CDH20: variants seen among roughly 807,000 people sequenced by gnomAD.
CDH20 encodes cadherin 20, also known as cadherin-20.
A neutral mutation model predicts 74.2 loss-of-function variants in CDH20; 29 were observed. That is an observed-to-expected ratio of 0.39 (90% CI 0.29 to 0.53). The LOEUF (loss-of-function observed/expected upper bound fraction) is 0.53. Among genes scored for constraint, CDH20 ranks in the 20% least tolerant of loss-of-function variants. CDH20 has a pLI of 0.69. For synonymous variants in CDH20, 469 were observed against 405.4 expected, an observed-to-expected ratio of 1.16 and a Z score of -1.88; for missense variants, 988 against 1,048.3, an observed-to-expected ratio of 0.94 and a Z score of 0.79.
At chr18:61,496,888 C>T (rs980040379) in intron 2 of CDH20, among the ~76,000 whole-genome samples, 5 of 151,940 alleles carry the variant, frequency 3.3e-5, no homozygotes, top group Admixed American at 6.6e-5. Flanking sequence ...TATATGCATA[C>T]GTATACATGT....
Position 61,539,885 on chromosome 18 carries a change from C to A in CDH20, c.1530+740C>A, listed in dbSNP as rs117301183. Among the ~76,000 whole-genome samples the A allele has an allele frequency of 2.8e-3, 421 of 152,208 alleles. 1 individual carries two copies. Among genetic ancestry groups the A allele is most frequent in the Non-Finnish European group, 5.2e-3 (356 of 68,008 alleles). ...AGGTAAGTTTTGAGAGGAAAGTAAT[C>A]CAAAAGGATAAAGGTCTACTTATTT... On this transcript the variant is annotated intron_variant, in intron 9 of 11. Coordinates refer to ENST00000262717, the MANE Select transcript of CDH20 (RefSeq NM_031891.4).
intron 1 of CDH20, among the ~76,000 whole-genome samples, chr18:61,435,742 T>C (rs926365503): frequency 4.0e-5 from 6 of 150,184 alleles, no homozygotes; most frequent in African/African-American, 1.5e-4. Context: ...ATATAAAAAA[T>C]ATATTTATGT....
At chr18:61,496,745 C>T (rs1436646800) in intron 2 of CDH20, among the ~76,000 whole-genome samples, 1 of 152,258 alleles carries the variant, frequency 6.6e-6, no homozygotes, top group Non-Finnish European at 1.5e-5. Flanking sequence ...CCTGGGGTGG[C>T]CTTTCTGTCA....
At position 61,333,675 on chromosome 18, in the gene CDH20, A is replaced by AG. The variant is rs1265945236; in HGVS notation, c.-299dup. 1 of 5,158 alleles carries AG rather than the reference A, an allele frequency of 1.9e-4. No homozygotes were observed. Among genetic ancestry groups the AG allele is most frequent in the Admixed American group, 2.7e-3 (1 of 366 alleles). The allele number at this position is 5,158 out of a possible 1,614,324, so 0.3% of individuals were successfully genotyped here. Reference sequence around the variant, plus strand: ...CTGTGACACTTCTGACAGAGGGGGTAGGGGGGTGGGGGGCGGGGACAGCGC... The same window carrying AG: ...CTGTGACACTTCTGACAGAGGGGGTAGGGGGGGTGGGGGGCGGGGACAGCGC... On this transcript the variant is annotated 5_prime_UTR_variant, in exon 1 of 12. Coordinates refer to ENST00000262717, the MANE Select transcript of CDH20 (RefSeq NM_031891.4).
In CDH20 at chr18:61,555,084, A is replaced by C; in HGVS notation, c.*389A>C. The C allele has an allele frequency of 9.6e-7, 1 of 1,042,962 alleles. No homozygotes were observed. The highest frequency in any genetic ancestry group is 1.2e-6 in the Non-Finnish European group (1 of 867,116). The allele number at this position is 1,042,962 out of a possible 1,614,324, so 64.6% of individuals were successfully genotyped here. A position where few individuals can be genotyped will look rare whatever the true frequency, so the allele number is the denominator to read the frequency against. On this transcript the variant is annotated 3_prime_UTR_variant, in exon 12 of 12. Transcript: ENST00000262717. Reference sequence around the variant, plus strand: ...ATGCCAATTGAAAGCAGAAAGTTCTACTCTCGTATCTGTTTTTTATCTTAT... The same window carrying C: ...ATGCCAATTGAAAGCAGAAAGTTCTCCTCTCGTATCTGTTTTTTATCTTAT...
intron 7 of CDH20, among the ~76,000 whole-genome samples, chr18:61,528,768 T>C (rs929849477): frequency 6.6e-6 from 1 of 152,208 alleles, no homozygotes; most frequent in Non-Finnish European, 1.5e-5. Context: ...CTCTCAGTGG[T>C]AAACATAAAG....
chr18:61,451,275 A>ACTT (rs1190889922), intron 1 of CDH20, among the ~76,000 whole-genome samples: 1 of 152,048 alleles, frequency 6.6e-6, no homozygotes, highest in Non-Finnish European at 1.5e-5. Flanking sequence ...ATTTTCAACT[A>ACTT]CTTGTAAAAT....
At position 61,549,963 on chromosome 18, in the gene CDH20, C is replaced by A; in HGVS notation, c.1649-15C>A. On this transcript the variant is annotated splice_polypyrimidine_tract_variant and intron_variant, in intron 10 of 11. Transcript: ENST00000262717. ...ACCTTCCCTTTTCCAATCCTGGAAC[C>A]CCTCCTTCTTTCAGATAACACAGCA... 6.2e-7 allele frequency: 1 copy of A among 1,604,436 alleles called. No homozygotes were observed. The highest frequency in any genetic ancestry group is 8.5e-7 in the Non-Finnish European group (1 of 1,172,452).
At chr18:61,512,210 A>T (rs986257315) in intron 6 of CDH20, among the ~76,000 whole-genome samples, 1 of 152,208 alleles carries the variant, frequency 6.6e-6, no homozygotes. Flanking sequence ...CTTTTAAGTA[A>T]TCAATCAGTC....
intron 6 of CDH20, among the ~76,000 whole-genome samples, chr18:61,512,883 T>C (rs1911837314): frequency 6.6e-6 from 1 of 152,194 alleles, no homozygotes; most frequent in African/African-American, 2.4e-5. Context: ...TGTTATAATT[T>C]CTGTTCTTTT....
At chr18:61,451,129 CTTT>C (rs941667455) in intron 1 of CDH20, among the ~76,000 whole-genome samples, 1 of 146,472 alleles carries the variant, frequency 6.8e-6, no homozygotes, top group African/African-American at 2.5e-5. Flanking sequence ...TTATTTATAA[CTTT>C]TTTTTTTTAC....
intron 1 of CDH20, among the ~76,000 whole-genome samples, chr18:61,386,044 T>C (rs1266458325): frequency 6.6e-6 from 1 of 152,180 alleles, no homozygotes; most frequent in Non-Finnish European, 1.5e-5. Context: ...TAAGGTATGC[T>C]TTATACCTAC....
chr18:61,522,344 A>T (rs1219222552), intron 6 of CDH20, among the ~76,000 whole-genome samples: 1 of 152,230 alleles, frequency 6.6e-6, no homozygotes, highest in African/African-American at 2.4e-5. Context: ...AATATCTAGG[A>T]ATCAAACTTA....
intron 6 of CDH20, among the ~76,000 whole-genome samples, chr18:61,516,731 G>A (rs547567810): frequency 1.3e-5 from 2 of 152,246 alleles, no homozygotes; most frequent in East Asian, 3.9e-4. Context: ...TATCAAGTGT[G>A]GGCAATTTAA....
chr18:61,405,376 A>G (rs1379111494), intron 1 of CDH20, among the ~76,000 whole-genome samples: 1 of 152,206 alleles, frequency 6.6e-6, no homozygotes, highest in Non-Finnish European at 1.5e-5. Flanking sequence ...GCTTGAGGCC[A>G]GGAGTCTGAG....
chr18:61,400,599 C>A (rs1440429665), intron 1 of CDH20, among the ~76,000 whole-genome samples: 1 of 152,186 alleles, frequency 6.6e-6, no homozygotes, highest in Non-Finnish European at 1.5e-5. Flanking sequence ...GGAACACAAC[C>A]TCTACCCTCC....
chr18:61,369,661 A>G (rs1568113793), intron 1 of CDH20, among the ~76,000 whole-genome samples: 2 of 152,156 alleles, frequency 1.3e-5, no homozygotes, highest in South Asian at 2.1e-4. Context: ...CATGGAATCA[A>G]CCTAAATGTT....
chr18:61,538,883 C>T (rs1343710058), intron 8 of CDH20, 141 bp from the exon 9 acceptor site: 13 of 803,476 alleles, frequency 1.6e-5, no homozygotes, highest in Admixed American at 1.2e-4. Context: ...CCTCCCGCCT[C>T]GGCCTCCCAA....
At chr18:61,336,771 G>A (rs538567543) in intron 1 of CDH20, among the ~76,000 whole-genome samples, 33 of 149,604 alleles carry the variant, frequency 2.2e-4, no homozygotes, top group Non-Finnish European at 4.0e-4. Context: ...AAAGAGACAC[G>A]GAAGGAAGAG....
Sources: allele counts gnomAD v4.1 joint callset (sites outside exome capture counted in the v4.1 genomes callset), GRCh38; gene constraint gnomAD v4.1.1; transcripts MANE v1.5; gene names NCBI Gene and HGNC (gene_info 2026-07-23, HGNC 2026-07-21).